The following TMEM74 variants were observed in gnomAD, a reference collection of about 807,000 sequenced individuals.
TMEM74 encodes the protein transmembrane protein 74.
A neutral mutation model predicts 18.1 loss-of-function variants in TMEM74; 13 were observed. The ratio of observed to expected loss-of-function variants is 0.72; its 90% CI spans 0.47 to 1.14. The LOEUF (loss-of-function observed/expected upper bound fraction) is 1.14, where lower values mean the gene tolerates loss of function less well. Among genes scored for constraint, TMEM74 ranks in the 50% most tolerant of loss-of-function variants. The pLI is 0.00. For synonymous variants in TMEM74, 159 were observed against 146.6 expected (o/e 1.08, Z -0.61); for missense variants, 372 against 375.9 (o/e 0.99, Z 0.09).
At chr8:108,713,858 G>A (rs958281130) in intron 1 of TMEM74, among the ~76,000 whole-genome samples, 1 of 152,322 alleles carries the variant, frequency 6.6e-6, no homozygotes. Flanking sequence ...CAGAGCCAGG[G>A]AAGCTGATGG....
At chr8:108,684,579 G>T (rs1362739724) in intron 1 of TMEM74, among the ~76,000 whole-genome samples, 2 of 151,678 alleles carry the variant, frequency 1.3e-5, no homozygotes, top group African/African-American at 4.8e-5. Flanking sequence ...TTTTTAGTTT[G>T]ATATAATCCC....
chr8:108,630,530 T>G (rs944336339), intron 2 of TMEM74, among the ~76,000 whole-genome samples: 1 of 152,068 alleles, frequency 6.6e-6, no homozygotes, highest in African/African-American at 2.4e-5. Context: ...ATATACATTC[T>G]TCTCAGCACT....
chr8:108,660,496 C>T (rs536070858), intron 1 of TMEM74, among the ~76,000 whole-genome samples: 42 of 152,296 alleles, frequency 2.8e-4, no homozygotes, highest in African/African-American at 8.4e-4. Context: ...TTCACTCACA[C>T]CCTCAACTCC....
At chr8:108,645,168 G>A (rs62512407) in intron 2 of TMEM74, among the ~76,000 whole-genome samples, 11 of 152,162 alleles carry the variant, frequency 7.2e-5, no homozygotes, top group Middle Eastern at 6.8e-3. Flanking sequence ...AATACTACAC[G>A]CCACAAAAAT....
chr8:108,717,413 T>G (rs549748727), intron 1 of TMEM74, among the ~76,000 whole-genome samples: 1 of 152,200 alleles, frequency 6.6e-6, no homozygotes, highest in Non-Finnish European at 1.5e-5. Flanking sequence ...ATCTACCATA[T>G]GGAAGTTTCC....
intron 2 of TMEM74, among the ~76,000 whole-genome samples, chr8:108,654,762 TTTTTTTATATTCCACCTAATTTTAAG>T (rs978496078): frequency 1.3e-5 from 2 of 152,118 alleles, no homozygotes; most frequent in African/African-American, 4.8e-5. Context: ...CAAGTGTTTT[TTTTTTTATATTCCACCTAATTTTAAG>T]GAATGGCCAA....
At chr8:108,658,070 A>G (rs143935941) in intron 1 of TMEM74, among the ~76,000 whole-genome samples, 1 of 151,444 alleles carries the variant, frequency 6.6e-6, no homozygotes, top group Non-Finnish European at 1.5e-5. Flanking sequence ...ATCGCAGAGA[A>G]CAAGCTGACC....
chr8:108,756,696 GAA>G (rs1813975527), intron 1 of TMEM74, among the ~76,000 whole-genome samples: 1 of 97,916 alleles, frequency 1.0e-5, no homozygotes, highest in Non-Finnish European at 1.8e-5. Context: ...AAGAAAGAAA[GAA>G]GGAAGGAAAG....
chr8:108,622,214 C>G (rs745446175), intron 2 of TMEM74, among the ~76,000 whole-genome samples: 7 of 152,072 alleles, frequency 4.6e-5, no homozygotes, highest in Non-Finnish European at 7.4e-5. Context: ...TAACAGCACC[C>G]ATAGATTCCA....
intron 1 of TMEM74, among the ~76,000 whole-genome samples, chr8:108,718,322 G>C (rs984094759): frequency 6.6e-6 from 1 of 152,146 alleles, no homozygotes; most frequent in African/African-American, 2.4e-5. Context: ...AGTGGTACCA[G>C]TTAGAAAAAT....
chr8:108,609,464 A>G (rs1210596770), intron 2 of TMEM74, among the ~76,000 whole-genome samples: 3 of 152,232 alleles, frequency 2.0e-5, no homozygotes, highest in Non-Finnish European at 2.9e-5. Context: ...CCTGGGCAAC[A>G]TGGTGAAACC....
chr8:108,625,985 T>A (rs1473879164), intron 2 of TMEM74, among the ~76,000 whole-genome samples: 1 of 152,026 alleles, frequency 6.6e-6, no homozygotes, highest in African/African-American at 2.4e-5. Flanking sequence ...AATCACTCAA[T>A]AATGTAGACA....
intron 2 of TMEM74, among the ~76,000 whole-genome samples, chr8:108,614,444 A>G (rs1812364211): frequency 1.3e-5 from 2 of 152,224 alleles, no homozygotes. Context: ...AAAAGGGAAT[A>G]GAAACAAGAC....
intron 1 of TMEM74, among the ~76,000 whole-genome samples, chr8:108,765,555 G>A (rs3019374): frequency 0.42 from 63,164 of 151,340 alleles, 14,066 homozygotes; most frequent in African/African-American, 0.57. Context: ...TTACAGGCAC[G>A]TGGTACCACA....
At chr8:108,736,672 C>T (rs1437678902) in intron 1 of TMEM74, among the ~76,000 whole-genome samples, 1 of 151,926 alleles carries the variant, frequency 6.6e-6, no homozygotes, top group African/African-American at 2.4e-5. Context: ...GATCTAGATG[C>T]TGGACAAATG....
intron 1 of TMEM74, among the ~76,000 whole-genome samples, chr8:108,674,588 C>T (rs1421144170): frequency 3.3e-5 from 5 of 152,200 alleles, no homozygotes; most frequent in Non-Finnish European, 4.4e-5. Context: ...TTTCTATAAT[C>T]GAACCATGTG....
At chr8:108,674,400 T>C (rs958543978) in intron 1 of TMEM74, among the ~76,000 whole-genome samples, 2 of 152,180 alleles carry the variant, frequency 1.3e-5, no homozygotes, top group African/African-American at 4.8e-5. Context: ...CTTTTCGTCT[T>C]GCATGTTGTA....
chr8:108,689,872 C>A (rs1813207523), intron 1 of TMEM74, among the ~76,000 whole-genome samples: 1 of 152,128 alleles, frequency 6.6e-6, no homozygotes, highest in African/African-American at 2.4e-5. Context: ...ACTTCACCCC[C>A]TCCTCTCCAT....
intron 2 of TMEM74, among the ~76,000 whole-genome samples, chr8:108,614,058 G>A (rs1160572661): frequency 2.0e-5 from 3 of 149,420 alleles, no homozygotes; most frequent in Admixed American, 6.7e-5. Context: ...TTTGTATGGG[G>A]TATTTTTTTA....
Sources: allele counts gnomAD v4.1 joint callset (sites outside exome capture counted in the v4.1 genomes callset), GRCh38; gene constraint gnomAD v4.1.1; transcripts MANE v1.5; gene names NCBI Gene and HGNC (gene_info 2026-07-23, HGNC 2026-07-21).